The following USP9X variants were observed in gnomAD, a reference collection of about 807,000 sequenced individuals.
USP9X encodes ubiquitin specific peptidase 9 X-linked.
A neutral mutation model predicts 190.3 loss-of-function variants in USP9X; 7 were observed. That is an observed-to-expected ratio of 0.04 (90% CI 0.02 to 0.07). The LOEUF is 0.07. USP9X is among the 10% of genes least tolerant of loss of function. USP9X has a pLI of 1.00. For missense variants in USP9X, 1,010 were observed against 1,916.9 expected (o/e 0.53, Z 8.83); for synonymous variants, 645 against 659.5 (o/e 0.98, Z 0.34).
chrX:41,113,902 C>T (rs1192992089), intron 1 of USP9X, among the ~76,000 whole-genome samples: 1 of 112,577 alleles, frequency 8.9e-6, no homozygotes, highest in African/African-American at 3.2e-5. Flanking sequence ...TGCACACAAA[C>T]GTTTTTATAG....
chrX:41,177,470 A>G lies in USP9X; in HGVS notation c.3148+5512A>G, dbSNP rs143564628. Among the ~76,000 whole-genome samples the G allele has an allele frequency of 3.9e-3, 441 of 112,147 alleles. 4 individuals are homozygous for G. Among genetic ancestry groups the G allele is most frequent in the African/African-American group, 0.013 (413 of 30,887 alleles). ...GTACATTTGACAGAGTACTACTTGT[A>G]TGTTGATGTGTCTAAGAGCATCACA... is the stretch of plus-strand genomic sequence containing the variant. On this transcript the variant is annotated intron_variant, in intron 21 of 44. Coordinates refer to ENST00000378308, the MANE Select transcript of USP9X (RefSeq NM_001039591.3).
At chrX:41,211,770 C>T (rs1248863232) in intron 33 of USP9X, among the ~76,000 whole-genome samples, 2 of 108,777 alleles carry the variant, frequency 1.8e-5, no homozygotes, top group Non-Finnish European at 3.9e-5. Flanking sequence ...GGTGCCTCTG[C>T]CCGGCCGCCC....
Position 41,129,027 on chromosome X carries a change from A to G in USP9X, c.124A>G (p.Asn42Asp). The change falls in exon 3 of 45, where the codon AAT becomes GAT. Residue 42 changes from asparagine (N) to aspartate (D), a missense_variant. By Grantham distance (23) the Asn-to-Asp change is conservative (BLOSUM62 1). This residue lies in a region of USP9X where 176 missense variants were observed against 247.5 expected (regional missense o/e 0.71). Transcript: ENST00000378308. ...TTCATCGCCTGATTCTTCCAATGAA[A>G]ATTCCCCGGCAACTCCCCCAGATGA... is the stretch of plus-strand genomic sequence containing the variant. ...QTSSPDSSNENSPATPPDEQG... is the reference protein window; with the variant it reads ...QTSSPDSSNEDSPATPPDEQG... The G allele has an allele frequency of 8.3e-7, 1 of 1,210,103 alleles. No individual in the cohort carries two copies. Among genetic ancestry groups the G allele is most frequent in the Non-Finnish European group, 1.1e-6 (1 of 894,940 alleles).
chrX:41,102,147 A>G (rs1342502457), intron 1 of USP9X, among the ~76,000 whole-genome samples: 2 of 112,077 alleles, frequency 1.8e-5, no homozygotes, highest in Non-Finnish European at 3.8e-5. Flanking sequence ...TGGTATGTGA[A>G]TTAGATCTCA....
intron 2 of USP9X, among the ~76,000 whole-genome samples, chrX:41,127,221 A>G (rs1387851732): frequency 8.9e-6 from 1 of 112,186 alleles, no homozygotes; most frequent in Non-Finnish European, 1.9e-5. Flanking sequence ...ACCAAATACT[A>G]AACGTCCCCT....
chrX:41,117,070 T>C (rs188616495), intron 1 of USP9X, among the ~76,000 whole-genome samples: 8 of 111,137 alleles, frequency 7.2e-5, no homozygotes, highest in African/African-American at 2.3e-4. Flanking sequence ...ACCGGAAATA[T>C]AGAAATGAGG....
Position 41,125,668 on chromosome X carries a change from ACACACACACACACACACTCTCTCTCT to A in USP9X, c.96+1946_96+1971del, listed in dbSNP as rs1469834598. ...AACACACACACACACACACACACAC[ACACACACACACACACACTCTCTCTCT>A]CTCTCTCTCTCTCTCTCTCTCTCTC... On this transcript the variant is annotated intron_variant, in intron 2 of 44. Coordinates refer to ENST00000378308, the MANE Select transcript of USP9X (RefSeq NM_001039591.3). Among the ~76,000 whole-genome samples, 20 of 52,397 alleles carry A rather than the reference ACACACACACACACACACTCTCTCTCT, an allele frequency of 3.8e-4. No homozygotes were observed. The East Asian group carries it at 3.8e-3, about 10-fold the overall frequency. The allele number at this position is 52,397 out of a possible 115,157, so 45.5% of individuals were successfully genotyped here.
chrX:41,200,272 C>T, intron 30 of USP9X, among the ~76,000 whole-genome samples: 1 of 110,869 alleles, frequency 9.0e-6, no homozygotes, highest in Non-Finnish European at 1.9e-5. Context: ...GAGTATAGTA[C>T]AACGTTGTTT....
chrX:41,161,635 C>CTTTTTTTTTTTTTTTTTT lies in USP9X; in HGVS notation c.1898-1149_1898-1132dup, dbSNP rs759623425. Among the ~76,000 whole-genome samples, 338 of 47,392 alleles carry CTTTTTTTTTTTTTTTTTT rather than the reference C, an allele frequency of 7.1e-3. 43 individuals carry two copies. The highest frequency in any genetic ancestry group is 9.9e-3 in the African/African-American group (91 of 9,181). The allele number at this position is 47,392 out of a possible 115,157, so 41.2% of individuals were successfully genotyped here. On this transcript the variant is annotated intron_variant, in intron 14 of 44. Coordinates refer to ENST00000378308, the MANE Select transcript of USP9X (RefSeq NM_001039591.3). ...ACAGGCGTGAGCCATGGCGCCCTGC[C>CTTTTTTTTTTTTTTTTTT]TTTTTTTTTTTTTTTTTTTTTTTAA...
intron 23 of USP9X, among the ~76,000 whole-genome samples, chrX:41,185,561 T>A (rs1049713400): frequency 9.0e-6 from 1 of 111,596 alleles, no homozygotes; most frequent in Non-Finnish European, 1.9e-5. Flanking sequence ...TTATACTACT[T>A]TCGACACTTT....
chrX:41,091,178 TGTTATGGTATATGC>T (rs1292522168), intron 1 of USP9X, among the ~76,000 whole-genome samples: 2 of 94,926 alleles, frequency 2.1e-5, no homozygotes, highest in African/African-American at 7.8e-5. Context: ...AAAAAAACTT[TGTTATGGTATATGC>T]CAATTGAATT....
In USP9X at chrX:41,232,530, A is replaced by G. The variant is rs980966461; in HGVS notation, c.*6A>G. The G allele has an allele frequency of 8.3e-7, 1 of 1,207,582 alleles. No homozygotes were observed. The highest frequency in any genetic ancestry group is 1.8e-5 in the African/African-American group (1 of 57,060). ...CTCAAACCAAGGATCAATGAAATGCACATAATTAACTGGTTCCATCAAGAC... is the reference window on the plus strand; with the variant it reads ...CTCAAACCAAGGATCAATGAAATGCGCATAATTAACTGGTTCCATCAAGAC... On this transcript the variant is annotated 3_prime_UTR_variant, in exon 45 of 45. Coordinates refer to ENST00000378308, the MANE Select transcript of USP9X (RefSeq NM_001039591.3).
At chrX:41,218,339 TTAA>T (rs2147250953) in intron 36 of USP9X, 30 bp from the exon 37 acceptor site, 21 of 1,188,339 alleles carry the variant, frequency 1.8e-5, no homozygotes, top group Non-Finnish European at 2.4e-5. Context: ...AGTTATTGAC[TTAA>T]TAGTCATAGG....
intron 38 of USP9X, among the ~76,000 whole-genome samples, chrX:41,220,065 T>C (rs1404886635): frequency 7.1e-5 from 8 of 112,263 alleles, no homozygotes; most frequent in Admixed American, 6.6e-4. Context: ...AGGTTTTTTT[T>C]CTGTGATCTT....
chrX:41,197,624 CTT>C, intron 29 of USP9X, 114 bp downstream of exon 29: 3 of 680,072 alleles, frequency 4.4e-6, no homozygotes, highest in Non-Finnish European at 6.1e-6. Flanking sequence ...GATCTTTTCT[CTT>C]TTTTAAGAAT....
chrX:41,106,710 TA>T (rs1274538932), intron 1 of USP9X, among the ~76,000 whole-genome samples: 3 of 106,845 alleles, frequency 2.8e-5, no homozygotes, highest in Non-Finnish European at 5.8e-5. Context: ...TTTGTATTTT[TA>T]GTAGAGATGG....
intron 12 of USP9X, among the ~76,000 whole-genome samples, chrX:41,150,435 A>C (rs2062513918): frequency 9.0e-6 from 1 of 111,623 alleles, no homozygotes; most frequent in Non-Finnish European, 1.9e-5. Flanking sequence ...TTATTTTTAA[A>C]TGTAGTTGTC....
intron 1 of USP9X, among the ~76,000 whole-genome samples, chrX:41,096,409 G>T (rs2061991983): frequency 1.8e-5 from 2 of 112,258 alleles, no homozygotes; most frequent in Admixed American, 1.9e-4. Flanking sequence ...GAAGGGTACT[G>T]GACTTGGAGT....
chrX:41,203,356 C>G (rs1411814446), intron 31 of USP9X, among the ~76,000 whole-genome samples: 1 of 112,283 alleles, frequency 8.9e-6, no homozygotes, highest in Non-Finnish European at 1.9e-5. Flanking sequence ...TCCCTCCCCA[C>G]AGCCTCTGGC....
Sources: gnomAD v4.1 joint callset for allele counts (sites outside exome capture counted in the v4.1 genomes callset) on GRCh38, gnomAD v4.1.1 for gene constraint, gnomAD v4.1.1 regional missense constraint, MANE v1.5 for transcripts, NCBI Gene and HGNC (gene_info 2026-07-23, HGNC 2026-07-21) for gene names.